ALMS1: variants seen among roughly 807,000 people sequenced by gnomAD.
The protein encoded by ALMS1 is centrosome-associated protein ALMS1.
Under a neutral mutation model 352.2 loss-of-function variants are expected in ALMS1, and 271 were observed. The ratio of observed to expected loss-of-function variants is 0.77; its 90% CI spans 0.70 to 0.85. ALMS1 has a LOEUF of 0.85. Ranked by LOEUF, ALMS1 falls within the 40% of genes least tolerant of loss-of-function variation. ALMS1 has a pLI of 0.00. For synonymous variants in ALMS1, 1,865 were observed against 1,761.2 expected (o/e 1.06, Z -1.48); for missense variants, 5,445 against 4,870.7 (o/e 1.12, Z -3.51).
Position 73,497,044 on chromosome 2 carries a change from G to T in ALMS1, c.9539+5546G>T, listed in dbSNP as rs566338947. On this transcript the variant is annotated intron_variant, in intron 10 of 22. Coordinates refer to ENST00000613296, the MANE Select transcript of ALMS1 (RefSeq NM_001378454.1). ...TAAAAAAGGCTTTCAAAAAACAAAG[G>T]TGTTTCCTTTTGATCAAGTCCAATT... is the stretch of plus-strand genomic sequence containing the variant. Among the ~76,000 whole-genome samples, 4 of 152,164 alleles carry T rather than the reference G, an allele frequency of 2.6e-5. No individual in the cohort carries two copies. The South Asian group carries it at 8.3e-4, about 32-fold the overall frequency.
In ALMS1 at chr2:73,448,875, T is replaced by C. The variant is rs1671866214; in HGVS notation, c.2348T>C (p.Leu783Pro). 6.2e-7 allele frequency: 1 copy of C among 1,613,926 alleles called. No homozygotes were observed. The highest frequency in any genetic ancestry group is 1.3e-5 in the African/African-American group (1 of 74,862). Residue 783 changes from leucine (L) to proline (P), a missense_variant, in exon 8 of 23, where the codon CTA (leucine) becomes CCA (proline). Physicochemically the swap from Leu to Pro is moderately conservative, Grantham distance 98. Coordinates refer to ENST00000613296, the MANE Select transcript of ALMS1 (RefSeq NM_001378454.1). The part of the protein sequence containing the change: ...LYPQDLADSH[L>P]PEEGLKVSAV... ...CCACAGGACTTAGCAGACAGTCATC[T>C]ACCTGAAGAGGGTCTGAAAGTTTCA...
intron 16 of ALMS1, 64 bp downstream of exon 16, chr2:73,573,488 T>A (rs1282933998): frequency 6.4e-7 from 1 of 1,557,116 alleles, no homozygotes; most frequent in Admixed American, 1.8e-5. Context: ...TTAGTTAAGC[T>A]TTGCACACAG....
At chr2:73,459,716 A>G (rs1672146649) in intron 9 of ALMS1, among the ~76,000 whole-genome samples, 2 of 152,084 alleles carry the variant, frequency 1.3e-5, no homozygotes, top group Admixed American at 1.3e-4. Flanking sequence ...ATGAGCATTC[A>G]CCCACTTTCT....
At chr2:73,496,253 CT>C (rs1673104216) in intron 10 of ALMS1, among the ~76,000 whole-genome samples, 1 of 152,192 alleles carries the variant, frequency 6.6e-6, no homozygotes, top group Non-Finnish European at 1.5e-5. Flanking sequence ...AGTCTTTCCT[CT>C]GATCCCTCAC....
intron 13 of ALMS1, among the ~76,000 whole-genome samples, chr2:73,550,823 A>G (rs566393014): frequency 6.6e-6 from 1 of 152,140 alleles, no homozygotes; most frequent in Admixed American, 6.5e-5. Context: ...GTAGGGAGAT[A>G]TGTAGCTGAC....
intron 1 of ALMS1, among the ~76,000 whole-genome samples, chr2:73,400,441 G>T (rs774331578): frequency 6.6e-6 from 1 of 152,126 alleles, no homozygotes; most frequent in Non-Finnish European, 1.5e-5. Flanking sequence ...TGGCAGTAGG[G>T]TAATACAGAC....
intron 15 of ALMS1, among the ~76,000 whole-genome samples, chr2:73,569,755 C>T (rs1375094437): frequency 6.6e-6 from 1 of 152,152 alleles, no homozygotes; most frequent in African/African-American, 2.4e-5. Flanking sequence ...TATGCTTTTG[C>T]TCATGCTATT....
chr2:73,461,260 C>T (rs1338802162), intron 9 of ALMS1, among the ~76,000 whole-genome samples: 1 of 152,222 alleles, frequency 6.6e-6, no homozygotes, highest in Non-Finnish European at 1.5e-5. Context: ...AATGATCAGG[C>T]AGCAGCATTT....
chr2:73,478,078 C>T (rs931221949), intron 9 of ALMS1, among the ~76,000 whole-genome samples: 1 of 152,038 alleles, frequency 6.6e-6, no homozygotes, highest in Admixed American at 6.6e-5. Context: ...TTTCATTATT[C>T]GGTATTATGT....
In ALMS1 at chr2:73,560,942, A is replaced by G. The variant is rs577154880; in HGVS notation, c.10384+1800A>G. Among the ~76,000 whole-genome samples, 501 of 152,346 alleles carry G rather than the reference A, an allele frequency of 3.3e-3. 3 individuals carry two copies. The highest frequency in any genetic ancestry group is 0.012 in the African/African-American group (490 of 41,578). On this transcript the variant is annotated intron_variant, in intron 15 of 22. Transcript: ENST00000613296. ...TCAGGCCCAGCAGACTCACGTCCAA[A>G]GGCTGGGCCCAGAACAAAGACAGCA... is the stretch of plus-strand genomic sequence containing the variant.
chr2:73,453,381 G>C lies in ALMS1; in HGVS notation c.6854G>C (p.Arg2285Pro), dbSNP rs6546839. ...TGCAATTTTCCTGCTCCCCTTGCCC[G>C]TTTCAGAGATATTAGTGATATTTCA... The part of the protein sequence containing the change: ...KRCNFPAPLA[R>P]FRDISDISFI... Residue 2285 changes from arginine to proline, a missense_variant, in exon 8 of 23, where the codon CGT becomes CCT. Physicochemically the swap from Arg to Pro is moderately radical, Grantham distance 103 (BLOSUM62 -2). Transcript: ENST00000613296. 415,580 of 1,613,278 alleles carry C rather than the reference G, an allele frequency of 0.26. 66,720 individuals carry two copies. Among genetic ancestry groups the C allele is most frequent in the African/African-American group, 0.77 (57,917 of 74,826 alleles).
chr2:73,607,109 T>C (rs1178099598), intron 21 of ALMS1, among the ~76,000 whole-genome samples: 1 of 152,232 alleles, frequency 6.6e-6, no homozygotes, highest in Non-Finnish European at 1.5e-5. Flanking sequence ...AGGATGGGAA[T>C]TTTTGGTGGG....
intron 16 of ALMS1, among the ~76,000 whole-genome samples, chr2:73,580,957 C>T (rs1675164780): frequency 6.6e-6 from 1 of 152,246 alleles, no homozygotes; most frequent in Non-Finnish European, 1.5e-5. Context: ...TCCTTCAATG[C>T]TTAGCCAGGC....
intron 7 of ALMS1, among the ~76,000 whole-genome samples, chr2:73,434,116 T>C (rs1159091858): frequency 6.6e-6 from 1 of 152,134 alleles, no homozygotes; most frequent in East Asian, 1.9e-4. Flanking sequence ...TTTCATTTAT[T>C]TTCATTCTAG....
intron 7 of ALMS1, among the ~76,000 whole-genome samples, chr2:73,442,558 A>G (rs772647313): frequency 2.6e-5 from 4 of 152,136 alleles, no homozygotes; most frequent in Non-Finnish European, 2.9e-5. Flanking sequence ...TTTAATTTCT[A>G]TTATATACTT....
At chr2:73,471,845 C>A (rs1276538503) in intron 9 of ALMS1, among the ~76,000 whole-genome samples, 1 of 151,958 alleles carries the variant, frequency 6.6e-6, no homozygotes, top group African/African-American at 2.4e-5. Flanking sequence ...ACCATATGAT[C>A]CCACTTCTGG....
intron 7 of ALMS1, among the ~76,000 whole-genome samples, chr2:73,440,171 C>T (rs896144470): frequency 6.9e-4 from 105 of 151,856 alleles, no homozygotes; most frequent in Admixed American, 5.0e-3. Flanking sequence ...TTAGTAAAGA[C>T]GGGGTTTCAC....
At chr2:73,495,068 T>G (rs116424001) in intron 10 of ALMS1, among the ~76,000 whole-genome samples, 4,933 of 152,236 alleles carry the variant, frequency 0.032, 210 homozygotes, top group Admixed American at 0.091. Context: ...GACTCATTAG[T>G]GTTTATTTCA....
intron 14 of ALMS1, among the ~76,000 whole-genome samples, chr2:73,557,737 TCCTA>T (rs1018345671): frequency 2.0e-5 from 3 of 152,384 alleles, no homozygotes; most frequent in East Asian, 3.9e-4. Context: ...CTTGTTTACT[TCCTA>T]CCTATCAGTT....
Sources: allele counts gnomAD v4.1 joint callset (sites outside exome capture counted in the v4.1 genomes callset), GRCh38; gene constraint gnomAD v4.1.1; transcripts MANE v1.5; gene names NCBI Gene and HGNC (gene_info 2026-07-23, HGNC 2026-07-21).